The following TTLL3 variants were observed in gnomAD, a reference collection of about 807,000 sequenced individuals.
TTLL3 encodes the protein tubulin tyrosine ligase like 3, also known as tubulin monoglycylase TTLL3.
TTLL3 carries 63 observed loss-of-function variants against 75.2 expected under a neutral mutation model. The observed-to-expected ratio is 0.84, with a 90% CI of 0.68 to 1.03. The LOEUF (loss-of-function observed/expected upper bound fraction) is 1.03, where lower values mean the gene tolerates loss of function less well. Among genes scored for constraint, TTLL3 ranks in the 50% least tolerant of loss-of-function variants. TTLL3 has a pLI of 0.00. For synonymous variants in TTLL3, 393 were observed against 418.5 expected (o/e 0.94, Z 0.74); for missense variants, 997 against 1,069.9 (o/e 0.93, Z 0.95).
At chr3:9,833,400 C>A in intron 12 of TTLL3, 155 bp downstream of exon 12, 1 of 1,197,496 alleles carries the variant, frequency 8.4e-7, no homozygotes, top group Non-Finnish European at 1.1e-6. Context: ...CAGCCCTGGT[C>A]TGCCCCAATC....
Position 9,813,010 on chromosome 3 carries a change from G to A in TTLL3, c.116G>A (p.Trp39Ter). 6.3e-7 allele frequency: 1 copy of A among 1,578,088 alleles called. No homozygotes were observed. The highest frequency in any genetic ancestry group is 8.6e-7 in the Non-Finnish European group (1 of 1,160,010). Residue 39 changes from tryptophan (W) to a stop codon, truncating the protein, a stop_gained, in exon 3 of 14, where the codon TGG becomes TAG. Transcript: ENST00000685419. LOFTEE classifies it high-confidence loss of function. ...VIRCLLRRRG[W>*]VEKKMVHRSG... ...CGGTGTCTCTTGCGCCGGAGGGGCT[G>A]GGTGGAGAAGAAGATGGTCCATCGC... is the stretch of plus-strand genomic sequence containing the variant.
intron 8 of TTLL3, among the ~76,000 whole-genome samples, chr3:9,824,737 CTTTTTT>C (rs71052207): frequency 2.5e-5 from 2 of 80,676 alleles, no homozygotes; most frequent in East Asian, 3.8e-4. Flanking sequence ...CTTTTCTTTT[CTTTTTT>C]TTTTTTTTTT....
At chr3:9,819,259 A>G (rs565737121) in intron 7 of TTLL3, 10 of 276,308 alleles carry the variant, frequency 3.6e-5, no homozygotes, top group Middle Eastern at 1.2e-3. Context: ...CTGCCTACCT[A>G]TCCTTCCACA....
chr3:9,825,552 A>AG, intron 8 of TTLL3: 2 of 566,284 alleles, frequency 3.5e-6, no homozygotes, highest in Non-Finnish European at 3.2e-6. Flanking sequence ...GTGTTGGAGT[A>AG]GGGGGTGGTT....
At chr3:9,811,997 A>G (rs532899036) in intron 2 of TTLL3, among the ~76,000 whole-genome samples, 27 of 152,286 alleles carry the variant, frequency 1.8e-4, no homozygotes, top group African/African-American at 5.3e-4. Context: ...CTTAACCACT[A>G]TGGGGCCTCA....
rs2080323769 is a variant in TTLL3 at position 9,820,670 on chromosome 3, C to T, written c.783C>T (p.Asp261=). The change falls in exon 8 of 14, where the codon GAC becomes GAT. Residue 261 remains aspartate, a synonymous_variant. Transcript: ENST00000685419. ...TGGCCCACATGGACATCGACAAGGA[C>T]CTGGAGGCCCCGCTGTACCTCACCC... is the stretch of plus-strand genomic sequence containing the variant. The part of the protein sequence containing the change: ...SNLAHMDIDK[D]LEAPLYLTPE... 1 of 1,614,040 alleles carries T rather than the reference C, an allele frequency of 6.2e-7. No homozygotes were observed. The highest frequency in any genetic ancestry group is 1.7e-5 in the Admixed American group (1 of 59,992).
chr3:9,813,044 C>T lies in TTLL3; in HGVS notation c.150C>T (p.Pro50=). 6.3e-7 allele frequency: 1 copy of T among 1,589,516 alleles called. No homozygotes were observed. The highest frequency in any genetic ancestry group is 1.8e-5 in the Admixed American group (1 of 56,744). The change falls in exon 3 of 14, where the codon CCC becomes CCT. Residue 50 remains proline (P), a synonymous_variant. Transcript: ENST00000685419. ...AGAAGATGGTCCATCGCTCAGGCCC[C>T]ACCCTGCTGCCACCCCAGAAGGATC... ...VEKKMVHRSG[P]TLLPPQKDLD... is the part of the protein sequence containing the mutation.
rs556973134 is a variant in TTLL3 at position 9,819,708 on chromosome 3, C to G, written c.658+788C>G. ...GCTCCTAGTCCTGTAATCCAGGGAC[C>G]CATCAGCGAGGGATTCAGGGAAGCA... On this transcript the variant is annotated intron_variant, in intron 7 of 13. Transcript: ENST00000685419. The G allele has an allele frequency of 4.1e-6, 4 of 985,460 alleles. No homozygotes were observed. The Admixed American group carries it at 2.5e-4, about 61-fold the overall frequency. 61.0% of individuals were successfully genotyped at this position (985,460 alleles called of 1,614,324 possible). A position where few individuals can be genotyped will look rare whatever the true frequency, so the allele number is the denominator to read the frequency against.
chr3:9,835,240 G>C lies in TTLL3; in HGVS notation c.2199G>C (p.Glu733Asp). Residue 733 changes from glutamate (E) to aspartate (D), a missense_variant, in exon 14 of 14, where the codon GAG becomes GAC. Physicochemically the swap from Glu to Asp is conservative, Grantham distance 45 (BLOSUM62 2). Transcript: ENST00000685419. The part of the protein sequence containing the change: ...SRPDCDKPRA[E>D]ACPMKRLSPL... ...CAGACTGTGACAAACCCAGGGCTGAGGCCTGCCCCATGAAGAGGCTGAGCC... is the reference window on the plus strand; with the variant it reads ...CAGACTGTGACAAACCCAGGGCTGACGCCTGCCCCATGAAGAGGCTGAGCC... The C allele has an allele frequency of 6.2e-7, 1 of 1,614,186 alleles. No homozygotes were observed. Among genetic ancestry groups the C allele is most frequent in the Non-Finnish European group, 8.5e-7 (1 of 1,180,020 alleles).
At chr3:9,824,732 CT>C (rs1390594060) in intron 8 of TTLL3, among the ~76,000 whole-genome samples, 1 of 128,122 alleles carries the variant, frequency 7.8e-6, no homozygotes, top group Non-Finnish European at 1.6e-5. Flanking sequence ...CTTTTCTTTT[CT>C]TTTCTTTTTT....
At position 9,810,354 on chromosome 3, in the gene TTLL3, C is replaced by A; in HGVS notation, c.-82C>A. 2.1e-6 allele frequency: 3 copies of A among 1,403,850 alleles called. No individual in the cohort carries two copies. The highest frequency in any genetic ancestry group is 2.7e-6 in the Non-Finnish European group (3 of 1,095,250). 87.0% of individuals were successfully genotyped at this position (1,403,850 alleles called of 1,614,324 possible). On this transcript the variant is annotated 5_prime_UTR_variant, in exon 1 of 14. Transcript: ENST00000685419. The surrounding 1 kb of genome is among the most constrained non-coding windows in gnomAD (Gnocchi z 4.4). ...GCGCCTCGGATACCCACCCCCTCGG[C>A]CCCCCGCACACCCCGGTCCTCGACC...
intron 8 of TTLL3, among the ~76,000 whole-genome samples, chr3:9,822,686 G>A (rs1336123790): frequency 1.4e-5 from 2 of 147,824 alleles, no homozygotes; most frequent in African/African-American, 2.5e-5. Flanking sequence ...ACCAGGCCTG[G>A]CAAATTTTTG....
Position 9,829,010 on chromosome 3 carries a change from G to A in TTLL3, c.1298G>A (p.Cys433Tyr). 1 of 1,614,252 alleles carries A rather than the reference G, an allele frequency of 6.2e-7. No homozygotes were observed. Among genetic ancestry groups the A allele is most frequent in the East Asian group, 2.2e-5 (1 of 44,882 alleles). The change falls in exon 11 of 14, where the codon TGC becomes TAC. Residue 433 changes from cysteine to tyrosine, a missense_variant. Coordinates refer to ENST00000685419, the MANE Select transcript of TTLL3 (RefSeq NM_001387446.1). Reference sequence around the variant, plus strand: ...ATCCAGAAGCACCTGGAGAACTCATGCCATCGGCATCCACTGCTTCCGCCA... The same window carrying A: ...ATCCAGAAGCACCTGGAGAACTCATACCATCGGCATCCACTGCTTCCGCCA... ...NSIQKHLENSCHRHPLLPPDN... is the reference protein window; with the variant it reads ...NSIQKHLENSYHRHPLLPPDN...
chr3:9,835,629 C>T lies in TTLL3; in HGVS notation c.*140C>T. 1.2e-6 allele frequency: 1 copy of T among 854,424 alleles called. No homozygotes were observed. The highest frequency in any genetic ancestry group is 2.0e-5 in the South Asian group (1 of 51,052). 52.9% of individuals were successfully genotyped at this position (854,424 alleles called of 1,614,324 possible). A position where few individuals can be genotyped will look rare whatever the true frequency, so the allele number is the denominator to read the frequency against. ...AGCCTTCACTTTACAGATGAAGAAA[C>T]TGAGTCTGAAAGAGGAGGCATGGCT... On this transcript the variant is annotated 3_prime_UTR_variant, in exon 14 of 14. Transcript: ENST00000685419.
chr3:9,812,975 CCCGGTGAT>C lies in TTLL3; in HGVS notation c.88_95del (p.Ile30SerfsTer29). 1 of 1,530,324 alleles carries C rather than the reference CCCGGTGAT, an allele frequency of 6.5e-7. No homozygotes were observed. The allele number at this position is 1,530,324 out of a possible 1,614,324, so 94.8% of individuals were successfully genotyped here. The stretch of plus-strand genomic sequence containing the variant: ...AGATCTTTACAATCCAAGGCTGCTA[CCCGGTGAT>C]CCGGTGTCTCTTGCGCCGGAGGGGC... On this transcript the variant is annotated frameshift_variant, in exon 3 of 14. Transcript: ENST00000685419. LOFTEE classifies it high-confidence loss of function.
At chr3:9,810,110 A>G (rs1244896988), upstream of TTLL3, 16 of 1,459,918 alleles carry the variant, frequency 1.1e-5, no homozygotes, top group Non-Finnish European at 1.4e-5. This position sits in a 1 kb window ranked among gnomAD's most constrained non-coding sequence, Gnocchi z 4.4. Flanking sequence ...GCGGTGTGCA[A>G]CTGGCTGCGG....
At chr3:9,821,415 G>A (rs547072960) in intron 8 of TTLL3, among the ~76,000 whole-genome samples, 1 of 152,310 alleles carries the variant, frequency 6.6e-6, no homozygotes, top group Admixed American at 6.5e-5. Context: ...GCCAGGTTCT[G>A]AAATGAAGCG....
chr3:9,816,240 CCCCCTG>C (rs1271985244), intron 5 of TTLL3, 38 bp downstream of exon 5: 1 of 1,327,196 alleles, frequency 7.5e-7, no homozygotes, highest in African/African-American at 1.5e-5. Context: ...CAGCTTCCGA[CCCCCTG>C]CCCTTGGGCT....
chr3:9,815,947 A>G, intron 4 of TTLL3, 127 bp from the exon 5 acceptor site: 1 of 952,258 alleles, frequency 1.1e-6, no homozygotes, highest in Non-Finnish European at 1.4e-6. Context: ...TGTGTGGGCT[A>G]GAGGCCACCT....
Sources: gnomAD v4.1 joint callset for allele counts (sites outside exome capture counted in the v4.1 genomes callset) on GRCh38, gnomAD v4.1.1 for gene constraint, Gnocchi (gnomAD v3.1) non-coding constraint, MANE v1.5 for transcripts, NCBI Gene and HGNC (gene_info 2026-07-23, HGNC 2026-07-21) for gene names.